NRXN3: variants seen among roughly 807,000 people sequenced by gnomAD.
The protein encoded by NRXN3 is neurexin III.
In NRXN3, 32 loss-of-function variants were observed where a neutral mutation model predicts 137.6. The observed-to-expected ratio is 0.23, with a 90% CI of 0.18 to 0.31. The LOEUF (loss-of-function observed/expected upper bound fraction) is 0.31, where lower values mean the gene tolerates loss of function less well. NRXN3 is among the 10% of genes least tolerant of loss of function. The probability of loss-of-function intolerance (pLI) is 1.00; values close to 1 mark genes in which losing one functional copy is unlikely to be tolerated. For synonymous variants in NRXN3, 798 were observed against 784.5 expected (o/e 1.02, Z -0.29); for missense variants, 1,574 against 2,062.5 (o/e 0.76, Z 4.59).
rs115265632 is a variant in NRXN3 at position 79,324,849 on chromosome 14, C to T, written c.3263-142372C>T. On this transcript the variant is annotated intron_variant, in intron 15 of 20. Coordinates refer to ENST00000335750, the MANE Select transcript of NRXN3 (RefSeq NM_001330195.2). ...GTGTGTGTATATATGTATATATATT[C>T]ATATGTGTGTGTATTATATGCATAT... Among the ~76,000 whole-genome samples, 1,333 of 152,124 alleles carry T rather than the reference C, an allele frequency of 8.8e-3. 21 individuals are homozygous for T. Among genetic ancestry groups the T allele is most frequent in the African/African-American group, 0.03 (1,259 of 41,506 alleles).
rs542793946 is a variant in NRXN3 at position 79,555,890 on chromosome 14, TG to T, written c.3444+88489del. On this transcript the variant is annotated intron_variant, in intron 16 of 20. Transcript: ENST00000335750. ...CTCTACAGCAGGTTTTCAGCCAAAT[TG>T]CTCTACTAAAATAACCCTAAAAATC... Among the ~76,000 whole-genome samples the T allele has an allele frequency of 4.1e-3, 627 of 152,266 alleles. 9 individuals are homozygous for T. Among genetic ancestry groups the T allele is most frequent in the African/African-American group, 0.014 (589 of 41,560 alleles).
Position 78,310,260 on chromosome 14 carries a change from CTTTTTTT to C in NRXN3, c.757+12416_757+12422del, listed in dbSNP as rs201314931. Reference sequence around the variant, plus strand: ...ATCCTGAGAGTCTGGTTATGAATGGCTTTTTTTTTTTTTTTTTTTTTTCCAGACAGTG... The same window carrying C: ...ATCCTGAGAGTCTGGTTATGAATGGCTTTTTTTTTTTTTTTCCAGACAGTG... On this transcript the variant is annotated intron_variant, in intron 4 of 20. Coordinates refer to ENST00000335750, the MANE Select transcript of NRXN3 (RefSeq NM_001330195.2). Among the ~76,000 whole-genome samples, 390 of 125,680 alleles carry C rather than the reference CTTTTTTT, an allele frequency of 3.1e-3. 1 individual carries two copies. The highest frequency in any genetic ancestry group is 8.5e-3 in the African/African-American group (278 of 32,860). 82.5% of individuals were successfully genotyped at this position (125,680 alleles called of 152,430 possible).
chr14:78,444,103 GAAGTAAA>G (rs2094342144), intron 4 of NRXN3, among the ~76,000 whole-genome samples: 1 of 152,166 alleles, frequency 6.6e-6, no homozygotes, highest in Admixed American at 6.5e-5. Context: ...GGCTTAAATA[GAAGTAAA>G]GGCACTCATT....
chr14:78,822,104 A>T (rs1210158319), intron 10 of NRXN3, among the ~76,000 whole-genome samples: 3 of 152,160 alleles, frequency 2.0e-5, no homozygotes, highest in Non-Finnish European at 2.9e-5. Flanking sequence ...TCCCCTCTTC[A>T]TATCTTCCTG....
chr14:78,398,840 G>A (rs1447182336), intron 4 of NRXN3, among the ~76,000 whole-genome samples: 2 of 152,182 alleles, frequency 1.3e-5, no homozygotes, highest in Non-Finnish European at 2.9e-5. Flanking sequence ...TTGTTACATG[G>A]CAGAGATGAA....
chr14:78,319,035 G>A (rs543586650), intron 4 of NRXN3, among the ~76,000 whole-genome samples: 5 of 152,178 alleles, frequency 3.3e-5, no homozygotes, highest in African/African-American at 9.7e-5. Context: ...GCTGGTATGT[G>A]GACCATTCTT....
At chr14:78,880,755 T>A (rs2099126908) in intron 10 of NRXN3, among the ~76,000 whole-genome samples, 1 of 152,094 alleles carries the variant, frequency 6.6e-6, no homozygotes, top group Non-Finnish European at 1.5e-5. Context: ...TATATATAAG[T>A]GTTATGTATT....
chr14:79,508,199 G>A (rs991193148), intron 16 of NRXN3, among the ~76,000 whole-genome samples: 1 of 151,914 alleles, frequency 6.6e-6, no homozygotes, highest in Non-Finnish European at 1.5e-5. Flanking sequence ...ACGGGAGTTA[G>A]TGAAATAATG....
chr14:79,138,217 A>G (rs2058441170), intron 15 of NRXN3, among the ~76,000 whole-genome samples: 2 of 152,176 alleles, frequency 1.3e-5, no homozygotes, highest in Admixed American at 6.5e-5. Context: ...GTATAGTAGC[A>G]TGATAATAGC....
intron 15 of NRXN3, among the ~76,000 whole-genome samples, chr14:79,010,398 G>C (rs2152391193): frequency 6.6e-6 from 1 of 152,208 alleles, no homozygotes; most frequent in South Asian, 2.1e-4. Context: ...ATATCTATCT[G>C]CATATCATAC....
intron 6 of NRXN3, among the ~76,000 whole-genome samples, chr14:78,693,220 G>C (rs1007333531): frequency 1.3e-5 from 2 of 152,000 alleles, no homozygotes; most frequent in African/African-American, 4.8e-5. Flanking sequence ...GGCCAGGACA[G>C]CATTCCCACA....
In NRXN3 at chr14:79,631,879, A is replaced by G. The variant is rs181584817; in HGVS notation, c.3445-31899A>G. ...CTAAAGGATTGTAAATGCACCAATC[A>G]GCACTCTGTGTCTAGCTAAAGGTTT... On this transcript the variant is annotated intron_variant, in intron 16 of 20. Coordinates refer to ENST00000335750, the MANE Select transcript of NRXN3 (RefSeq NM_001330195.2). 1.5e-3 allele frequency among the ~76,000 whole-genome samples: 225 copies of G among 152,320 alleles called. 1 individual carries two copies. The highest frequency in any genetic ancestry group is 5.0e-3 in the African/African-American group (207 of 41,584).
At chr14:79,156,250 T>G (rs2060245831) in intron 15 of NRXN3, among the ~76,000 whole-genome samples, 2 of 151,880 alleles carry the variant, frequency 1.3e-5, no homozygotes, top group African/African-American at 4.8e-5. Flanking sequence ...TAGAGCAATT[T>G]CTTAGTTTGC....
intron 4 of NRXN3, among the ~76,000 whole-genome samples, chr14:78,385,225 A>C (rs985769876): frequency 6.6e-6 from 1 of 152,016 alleles, no homozygotes; most frequent in Non-Finnish European, 1.5e-5. Context: ...ATACTTTTGG[A>C]TAATAGGGCT....
chr14:78,727,050 A>G (rs563835643), intron 8 of NRXN3, among the ~76,000 whole-genome samples: 8 of 151,484 alleles, frequency 5.3e-5, no homozygotes, highest in African/African-American at 1.9e-4. Flanking sequence ...ACCCTTCTCT[A>G]CAATAGACCT....
chr14:78,995,352 C>T (rs2099527741), intron 15 of NRXN3, among the ~76,000 whole-genome samples: 1 of 152,124 alleles, frequency 6.6e-6, no homozygotes, highest in Non-Finnish European at 1.5e-5. Context: ...CCTAGATCTT[C>T]TGATTTTTAT....
In NRXN3 at chr14:78,729,319, G is replaced by A. The variant is rs111943306; in HGVS notation, c.2044+14180G>A. On this transcript the variant is annotated intron_variant, in intron 8 of 20. Transcript: ENST00000335750. ...TATTCTTTGCCATTCATTTAAACAG[G>A]AGGCCTTAGAGGTGGGATTAGGTAC... Among the ~76,000 whole-genome samples, 369 of 152,258 alleles carry A rather than the reference G, an allele frequency of 2.4e-3. 1 individual carries two copies. The highest frequency in any genetic ancestry group is 8.6e-3 in the African/African-American group (357 of 41,526).
chr14:78,977,012 C>T (rs1289104060), intron 14 of NRXN3, among the ~76,000 whole-genome samples: 1 of 152,130 alleles, frequency 6.6e-6, no homozygotes, highest in Non-Finnish European at 1.5e-5. Flanking sequence ...ATAGGTCTTG[C>T]ATATGTTCTT....
At chr14:79,131,439 G>T (rs1596312968) in intron 15 of NRXN3, among the ~76,000 whole-genome samples, 1 of 152,162 alleles carries the variant, frequency 6.6e-6, no homozygotes, top group Non-Finnish European at 1.5e-5. Flanking sequence ...ACCCAGCCGT[G>T]TGAGGTGTCA....
Sources: gnomAD v4.1 joint callset for allele counts (sites outside exome capture counted in the v4.1 genomes callset) on GRCh38, gnomAD v4.1.1 for gene constraint, MANE v1.5 for transcripts, NCBI Gene and HGNC (gene_info 2026-07-23, HGNC 2026-07-21) for gene names.